Variants in PTPN18 observed in about 807,000 individuals in gnomAD.
PTPN18 encodes protein tyrosine phosphatase non-receptor type 18.
Under a neutral mutation model 65.4 loss-of-function variants are expected in PTPN18, and 65 were observed. The ratio of observed to expected loss-of-function variants is 0.99; its 90% CI spans 0.81 to 1.22. The LOEUF is 1.22. Among genes scored for constraint, PTPN18 ranks in the 50% most tolerant of loss-of-function variants. The pLI, the probability that PTPN18 is intolerant of heterozygous loss-of-function variation, is 0.00. For synonymous variants in PTPN18, 255 were observed against 267.8 expected (o/e 0.95, Z 0.47); for missense variants, 616 against 646.5 (o/e 0.95, Z 0.51).
intron 1 of PTPN18, 145 bp from the exon 2 acceptor site, chr2:130,358,722 G>T: frequency 1.5e-6 from 1 of 646,098 alleles, no homozygotes; most frequent in Admixed American, 2.5e-5. Context: ...TTATTATTAG[G>T]CAGGCCCAGT....
chr2:130,372,613 G>A, intron 13 of PTPN18, 130 bp downstream of exon 13: 1 of 1,213,128 alleles, frequency 8.2e-7, no homozygotes, highest in East Asian at 2.6e-5. Flanking sequence ...ACGCCCCGAC[G>A]CTGATGTCCA....
chr2:130,368,044 A>C (rs1287960764), intron 5 of PTPN18, among the ~76,000 whole-genome samples: 1 of 151,052 alleles, frequency 6.6e-6, no homozygotes, highest in Non-Finnish European at 1.5e-5. Context: ...TTTTCATTTC[A>C]TATATTTTAT....
At chr2:130,370,504 T>C in intron 8 of PTPN18, 53 bp from the exon 9 acceptor site, 1 of 1,607,576 alleles carries the variant, frequency 6.2e-7, no homozygotes, top group Non-Finnish European at 8.5e-7. Flanking sequence ...ATGCCCCATC[T>C]AAAAGGGGTT....
chr2:130,365,786 G>A (rs1045089363), intron 5 of PTPN18, among the ~76,000 whole-genome samples: 4 of 152,210 alleles, frequency 2.6e-5, no homozygotes, highest in Admixed American at 6.5e-5. Context: ...TTTTGCATGT[G>A]ACTATCCAGT....
At position 130,371,291 on chromosome 2, in the gene PTPN18, C is replaced by A; in HGVS notation, c.1013+4C>A. The A allele has an allele frequency of 3.2e-6, 5 of 1,577,710 alleles. No homozygotes were observed. The highest frequency in any genetic ancestry group is 4.3e-6 in the Non-Finnish European group (5 of 1,154,050). On this transcript the variant is annotated splice_donor_region_variant and intron_variant, in intron 12 of 14. Transcript: ENST00000175756. ...GCCCACCAGGAGGGGTCCTCAGGTA[C>A]CCGGCTCCATCCCCGGATTCTTCCC...
chr2:130,359,080 T>A, intron 2 of PTPN18, 105 bp downstream of exon 2: 1 of 1,448,380 alleles, frequency 6.9e-7, no homozygotes, highest in Non-Finnish European at 9.6e-7. Flanking sequence ...TCCCAGAGCC[T>A]CACCCTCTGC....
At chr2:130,362,707 T>A (rs550910134) in intron 5 of PTPN18, among the ~76,000 whole-genome samples, 1 of 152,350 alleles carries the variant, frequency 6.6e-6, no homozygotes, top group African/African-American at 2.4e-5. Context: ...TTTTAGAATA[T>A]CTTTTTAAAC....
intron 5 of PTPN18, among the ~76,000 whole-genome samples, chr2:130,362,808 A>ATTTTTG (rs982721860): frequency 1.4e-4 from 21 of 151,902 alleles, no homozygotes; most frequent in African/African-American, 2.2e-4. Context: ...CCACAGTAAG[A>ATTTTTG]TTTTTGTTTT....
At chr2:130,363,940 ACTGT>A (rs1411089027) in intron 5 of PTPN18, among the ~76,000 whole-genome samples, 1 of 145,626 alleles carries the variant, frequency 6.9e-6, no homozygotes, top group African/African-American at 2.5e-5. Flanking sequence ...GATGCTTGTT[ACTGT>A]CTTTTTTTTT....
rs1464878368 is a variant in PTPN18, at chr2:130,372,288, G to T, written c.1045G>T (p.Ala349Ser). The T allele has an allele frequency of 1.3e-6, 2 of 1,561,388 alleles. No individual in the cohort carries two copies. Among genetic ancestry groups the T allele is most frequent in the Admixed American group, 3.6e-5 (2 of 55,090 alleles). The change falls in exon 13 of 15, where the codon GCC (alanine) becomes TCC (serine). Residue 349 changes from alanine to serine, a missense_variant. Transcript: ENST00000175756. ...SISVPGSPGHAMADTYAVVQK... is the reference protein window; with the variant it reads ...SISVPGSPGHSMADTYAVVQK... ...CTCTGTGCCCGGGTCCCCGGGCCAC[G>T]CCATGGCTGACACCTACGCGGTGGT...
Position 130,358,857 on chromosome 2 carries a change from G to T in PTPN18, c.94-10G>T. The stretch of plus-strand genomic sequence containing the variant: ...CTCCCCTCCCTGACCCACTCATAAT[G>T]CTCTACCAGGACATCCAGGCCTGCT... On this transcript the variant is annotated splice_polypyrimidine_tract_variant and intron_variant, in intron 1 of 14. Coordinates refer to ENST00000175756, the MANE Select transcript of PTPN18 (RefSeq NM_014369.4). The T allele has an allele frequency of 2.5e-6, 4 of 1,606,336 alleles. No homozygotes were observed. The highest frequency in any genetic ancestry group is 3.4e-6 in the Non-Finnish European group (4 of 1,174,084).
chr2:130,372,365 G>C lies in PTPN18; in HGVS notation c.1122G>C (p.Thr374=). The part of the protein sequence containing the change: ...AGAGSGTQTG[T]GTGTGARSAE... ...CCGGGAGTGGGACGCAGACGGGGACGGGGACGGGGACGGGGGCGCGCAGCG... is the reference window on the plus strand; with the variant it reads ...CCGGGAGTGGGACGCAGACGGGGACCGGGACGGGGACGGGGGCGCGCAGCG... Residue 374 remains threonine, a synonymous_variant, in exon 13 of 15, where the codon ACG becomes ACC. Transcript: ENST00000175756. The C allele has an allele frequency of 1.5e-6, 2 of 1,363,350 alleles. No homozygotes were observed. The highest frequency in any genetic ancestry group is 1.9e-6 in the Non-Finnish European group (2 of 1,061,906). The allele number at this position is 1,363,350 out of a possible 1,614,324, so 84.5% of individuals were successfully genotyped here.
At chr2:130,356,881 G>T (rs530290453) in intron 1 of PTPN18, among the ~76,000 whole-genome samples, 1 of 152,184 alleles carries the variant, frequency 6.6e-6, no homozygotes, top group African/African-American at 2.4e-5. Context: ...AGGGGCGTTC[G>T]TCACTGCCTA....
intron 13 of PTPN18, 114 bp from the exon 14 acceptor site, chr2:130,372,759 C>G (rs1680616798): frequency 5.4e-6 from 7 of 1,301,698 alleles, no homozygotes; most frequent in Non-Finnish European, 7.5e-6. Flanking sequence ...TTCTCCCGCC[C>G]GGCGCCCTCG....
At chr2:130,358,688 C>T (rs73960313) in intron 1 of PTPN18, among the ~76,000 whole-genome samples, 179 bp from the exon 2 acceptor site, 9,217 of 152,178 alleles carry the variant, frequency 0.061, 940 homozygotes, top group African/African-American at 0.21. Flanking sequence ...AGAGAAGGTG[C>T]CCTGGGTCAC....
At position 130,372,266 on chromosome 2, in the gene PTPN18, T is replaced by TGTGCCCGG; in HGVS notation, c.1026_1033dup (p.Ser345CysfsTer51). 5 of 1,570,936 alleles carry TGTGCCCGG rather than the reference T, an allele frequency of 3.2e-6. No homozygotes were observed. Among genetic ancestry groups the TGTGCCCGG allele is most frequent in the East Asian group, 4.9e-5 (2 of 40,902 alleles). On this transcript the variant is annotated frameshift_variant, in exon 13 of 15. Coordinates refer to ENST00000175756, the MANE Select transcript of PTPN18 (RefSeq NM_014369.4). LOFTEE classifies it high-confidence loss of function. ...CCCTCCCTGCCTGCAGGAGCATCTC[T>TGTGCCCGG]GTGCCCGGGTCCCCGGGCCACGCCA...
intron 1 of PTPN18, 99 bp from the exon 2 acceptor site, chr2:130,358,768 G>T (rs1680077490): frequency 1.1e-6 from 1 of 933,834 alleles, no homozygotes; most frequent in Non-Finnish European, 1.7e-6. Context: ...CCAGGCCACT[G>T]GCTTTGTATC....
At position 130,370,567 on chromosome 2, in the gene PTPN18, G is replaced by T. The variant is rs1374266257; in HGVS notation, c.700G>T (p.Gly234Trp). 6.2e-7 allele frequency: 1 copy of T among 1,614,114 alleles called. No homozygotes were observed. Among genetic ancestry groups the T allele is most frequent in the African/African-American group, 1.3e-5 (1 of 75,014 alleles). Reference sequence around the variant, plus strand: ...TGATTCTCTTGTCAGTGCGGGTTGTGGGCGAACAGGCGTCCTGTGCACCGT... The same window carrying T: ...TGATTCTCTTGTCAGTGCGGGTTGTTGGCGAACAGGCGTCCTGTGCACCGT... ...PLCVHCSAGCGRTGVLCTVDY... is the reference protein window; with the variant it reads ...PLCVHCSAGCWRTGVLCTVDY... The change falls in exon 9 of 15, where the codon GGG (glycine) becomes TGG (tryptophan). Residue 234 changes from glycine to tryptophan, a missense_variant. Gly to Trp is a radical substitution (Grantham distance 184). Around this residue, in one of 3 missense-constraint regions of PTPN18, gnomAD observed 368 missense variants for 386.7 expected, o/e 0.95. Transcript: ENST00000175756.
At chr2:130,356,818 G>A (rs1679989560) in intron 1 of PTPN18, among the ~76,000 whole-genome samples, 1 of 152,242 alleles carries the variant, frequency 6.6e-6, no homozygotes, top group African/African-American at 2.4e-5. Flanking sequence ...CTGGTCTAAG[G>A]ATTAAATGAT....
Sources: gnomAD v4.1 joint callset for allele counts (sites outside exome capture counted in the v4.1 genomes callset) on GRCh38, gnomAD v4.1.1 for gene constraint, gnomAD v4.1.1 regional missense constraint, MANE v1.5 for transcripts, NCBI Gene and HGNC (gene_info 2026-07-23, HGNC 2026-07-21) for gene names.